Variants in ADAMTS3 observed in about 807,000 individuals in gnomAD.
ADAMTS3 encodes the protein ADAM metallopeptidase with thrombospondin type 1 motif 3.
In ADAMTS3, 73 loss-of-function variants were observed where a neutral mutation model predicts 129.0. That is an observed-to-expected ratio of 0.57 (90% CI 0.47 to 0.69). The LOEUF (loss-of-function observed/expected upper bound fraction) is 0.69. Among genes scored for constraint, ADAMTS3 ranks in the 30% least tolerant of loss-of-function variants. The pLI, the probability that ADAMTS3 is intolerant of heterozygous loss-of-function variation, is 0.00. For missense variants in ADAMTS3, 1,457 were observed against 1,514.5 expected (o/e 0.96, Z 0.63); for synonymous variants, 477 against 510.8 (o/e 0.93, Z 0.89).
chr4:72,344,324 T>C (rs1720216890), intron 4 of ADAMTS3, among the ~76,000 whole-genome samples: 1 of 152,110 alleles, frequency 6.6e-6, no homozygotes, highest in African/African-American at 2.4e-5. Flanking sequence ...AATTGCTCCC[T>C]ACCCCAGAAA....
chr4:72,564,636 T>C (rs1316585209), intron 2 of ADAMTS3, among the ~76,000 whole-genome samples: 1 of 152,082 alleles, frequency 6.6e-6, no homozygotes, highest in African/African-American at 2.4e-5. Flanking sequence ...CTAGGGTGAA[T>C]CCTACTTTCC....
chr4:72,542,718 A>G lies in ADAMTS3; in HGVS notation c.504+5760T>C, dbSNP rs192057218. ...CTTCCTTTTCTCATTTCTGTTCTAC[A>G]TAATAAAGTTCTGATTGGGATAGAC... is the stretch of plus-strand genomic sequence containing the variant. On this transcript the variant is annotated intron_variant, in intron 3 of 21. Transcript: ENST00000286657. 2.6e-3 allele frequency among the ~76,000 whole-genome samples: 394 copies of G among 152,316 alleles called. 2 individuals are homozygous for G. The highest frequency in any genetic ancestry group is 9.1e-3 in the African/African-American group (379 of 41,574).
intron 4 of ADAMTS3, among the ~76,000 whole-genome samples, chr4:72,382,454 C>G (rs894373894): frequency 6.6e-6 from 1 of 151,914 alleles, no homozygotes; most frequent in African/African-American, 2.4e-5. Context: ...TTTGGTCAAC[C>G]CCCATGGAAG....
chr4:72,467,688 A>C (rs1463676337), intron 3 of ADAMTS3, among the ~76,000 whole-genome samples: 2 of 152,060 alleles, frequency 1.3e-5, no homozygotes, highest in Non-Finnish European at 2.9e-5. Flanking sequence ...ACCTCCTCTG[A>C]AGGATCTTCC....
intron 21 of ADAMTS3, among the ~76,000 whole-genome samples, chr4:72,287,828 G>C (rs1478291533): frequency 6.6e-6 from 1 of 152,088 alleles, no homozygotes; most frequent in Non-Finnish European, 1.5e-5. Flanking sequence ...GAAGGAGACA[G>C]TGATAGAGCC....
intron 4 of ADAMTS3, among the ~76,000 whole-genome samples, chr4:72,392,406 T>C (rs1278412840): frequency 6.6e-6 from 1 of 152,162 alleles, no homozygotes; most frequent in African/African-American, 2.4e-5. Context: ...CATCACAAAC[T>C]TCCTACATAT....
At chr4:72,412,492 G>A (rs375577583) in intron 4 of ADAMTS3, among the ~76,000 whole-genome samples, 1 of 152,062 alleles carries the variant, frequency 6.6e-6, no homozygotes, top group East Asian at 1.9e-4. Context: ...AGAAGTTAAA[G>A]GAAGAATTTG....
At chr4:72,333,591 A>C (rs1277638996) in intron 5 of ADAMTS3, among the ~76,000 whole-genome samples, 1 of 151,688 alleles carries the variant, frequency 6.6e-6, no homozygotes, top group Admixed American at 6.6e-5. Flanking sequence ...GCAGGAACCG[A>C]CCCTCAGTGG....
chr4:72,392,712 A>G (rs1457784711), intron 4 of ADAMTS3, among the ~76,000 whole-genome samples: 3 of 152,152 alleles, frequency 2.0e-5, no homozygotes, highest in African/African-American at 7.2e-5. Context: ...ATAGAAGAGA[A>G]GCCAAGGGGA....
chr4:72,547,798 A>T (rs532307989), intron 3 of ADAMTS3, among the ~76,000 whole-genome samples: 1 of 152,360 alleles, frequency 6.6e-6, no homozygotes, highest in East Asian at 1.9e-4. Context: ...TTAACTGTCA[A>T]AATTGCTATA....
At chr4:72,338,950 G>A (rs1720057851) in intron 5 of ADAMTS3, among the ~76,000 whole-genome samples, 1 of 152,094 alleles carries the variant, frequency 6.6e-6, no homozygotes, top group Admixed American at 6.6e-5. Flanking sequence ...AGTGGTTGCT[G>A]TGCAGCACCG....
intron 4 of ADAMTS3, among the ~76,000 whole-genome samples, chr4:72,356,410 C>A (rs1196474327): frequency 6.6e-6 from 1 of 151,640 alleles, no homozygotes; most frequent in East Asian, 1.9e-4. Flanking sequence ...AATATTAAAA[C>A]AAGTAATTTT....
chr4:72,416,343 C>T (rs1259035632), intron 3 of ADAMTS3, among the ~76,000 whole-genome samples: 1 of 151,936 alleles, frequency 6.6e-6, no homozygotes, highest in Admixed American at 6.6e-5. Flanking sequence ...GTAAGCCTCA[C>T]AGGGAATTCT....
chr4:72,297,472 T>C (rs371314014), intron 18 of ADAMTS3, among the ~76,000 whole-genome samples: 5 of 152,172 alleles, frequency 3.3e-5, no homozygotes, highest in African/African-American at 9.7e-5. Flanking sequence ...CACTGCCTAA[T>C]ACAAATTTTG....
intron 3 of ADAMTS3, among the ~76,000 whole-genome samples, chr4:72,494,765 T>C (rs535026680): frequency 6.6e-6 from 1 of 152,254 alleles, no homozygotes; most frequent in Admixed American, 6.5e-5. Context: ...GCCAACTGGG[T>C]AGGGTGTGAC....
chr4:72,480,366 T>C (rs891119231), intron 3 of ADAMTS3, among the ~76,000 whole-genome samples: 4 of 152,078 alleles, frequency 2.6e-5, no homozygotes, highest in Non-Finnish European at 5.9e-5. Flanking sequence ...TATGCAGCCA[T>C]AAAAAAGGAT....
chr4:72,470,767 G>C (rs965243868), intron 3 of ADAMTS3, among the ~76,000 whole-genome samples: 1 of 151,980 alleles, frequency 6.6e-6, no homozygotes, highest in Admixed American at 6.6e-5. Context: ...ACTGTACTAG[G>C]AGTCATCATA....
intron 17 of ADAMTS3, among the ~76,000 whole-genome samples, chr4:72,299,630 T>C (rs190676053): frequency 1.3e-5 from 2 of 152,250 alleles, no homozygotes; most frequent in South Asian, 2.1e-4. Context: ...TGTATGAAAG[T>C]GGCCATTTGA....
At chr4:72,354,166 C>T (rs58112963) in intron 4 of ADAMTS3, among the ~76,000 whole-genome samples, 7,040 of 151,946 alleles carry the variant, frequency 0.046, 548 homozygotes, top group African/African-American at 0.16. Flanking sequence ...TTGACTTAGT[C>T]CAAGTGTTTG....
Sources: allele counts gnomAD v4.1 joint callset (sites outside exome capture counted in the v4.1 genomes callset), GRCh38; gene constraint gnomAD v4.1.1; transcripts MANE v1.5; gene names NCBI Gene and HGNC (gene_info 2026-07-23, HGNC 2026-07-21).